Variants in GNAO1 observed in about 807,000 individuals in gnomAD.
The protein encoded by GNAO1 is G protein subunit alpha o1, also known as guanine nucleotide-binding protein G(o) subunit alpha.
For synonymous variants in GNAO1, 164 were observed against 180.7 expected (o/e 0.91, Z 0.74); for missense variants, 166 against 478.7 (o/e 0.35, Z 6.10).
At chr16:56,271,517 G>C (rs1461889823) in intron 2 of GNAO1, among the ~76,000 whole-genome samples, 1 of 152,154 alleles carries the variant, frequency 6.6e-6, no homozygotes, top group Admixed American at 6.5e-5. Context: ...GCAGTGGCGT[G>C]ATCTTGGTTC....
intron 2 of GNAO1, among the ~76,000 whole-genome samples, chr16:56,220,738 TTTGTTG>T (rs55730508): frequency 2.0e-5 from 3 of 151,454 alleles, no homozygotes; most frequent in East Asian, 1.9e-4. Flanking sequence ...GCGTGGGTTT[TTTGTTG>T]TTGTTGTTGT....
chr16:56,245,006 A>C (rs1286408332), intron 2 of GNAO1, among the ~76,000 whole-genome samples: 15 of 152,314 alleles, frequency 9.8e-5, no homozygotes, highest in African/African-American at 3.6e-4. Context: ...CTCTGGCACT[A>C]ATTTTCAAAG....
At chr16:56,262,361 G>A (rs955269795) in intron 2 of GNAO1, among the ~76,000 whole-genome samples, 7 of 152,176 alleles carry the variant, frequency 4.6e-5, no homozygotes, top group African/African-American at 1.7e-4. Context: ...GGACTTGCCT[G>A]GTGTCAGAAA....
At chr16:56,205,845 GA>G (rs2036322634) in intron 2 of GNAO1, among the ~76,000 whole-genome samples, 1 of 152,168 alleles carries the variant, frequency 6.6e-6, no homozygotes, top group South Asian at 2.1e-4. Context: ...CGTTCTAAAG[GA>G]GGAAACTGGG....
At chr16:56,267,585 G>A (rs1200611800) in intron 2 of GNAO1, among the ~76,000 whole-genome samples, 1 of 152,198 alleles carries the variant, frequency 6.6e-6, no homozygotes, top group East Asian at 1.9e-4. Flanking sequence ...GCCAGCACCT[G>A]CTCCGTGGTC....
At chr16:56,342,693 C>T (rs536354032) in intron 6 of GNAO1, among the ~76,000 whole-genome samples, 17 of 152,368 alleles carry the variant, frequency 1.1e-4, no homozygotes, top group African/African-American at 3.8e-4. Context: ...TCAAGGCCTG[C>T]TCTGTGGACT....
In GNAO1 at chr16:56,191,774, C is replaced by T; in HGVS notation, c.-462C>T. 1 of 222,732 alleles carries T rather than the reference C, an allele frequency of 4.5e-6. No homozygotes were observed. Among genetic ancestry groups the T allele is most frequent in the East Asian group, 1.5e-4 (1 of 6,726 alleles). 13.8% of individuals were successfully genotyped at this position (222,732 alleles called of 1,614,324 possible). A position where few individuals can be genotyped will look rare whatever the true frequency, so the allele number is the denominator to read the frequency against. On this transcript the variant is annotated 5_prime_UTR_variant, in exon 1 of 9. Coordinates refer to ENST00000262493, the MANE Select transcript of GNAO1 (RefSeq NM_020988.3). The surrounding 1 kb of genome is among the most constrained non-coding windows in gnomAD (Gnocchi z 4.7). Reference sequence around the variant, plus strand: ...CGCGCCGCCGCCGCCGCCTCCTCCACCTCCTCCTCCGCCGCCGCCGCCTCC... The same window carrying T: ...CGCGCCGCCGCCGCCGCCTCCTCCATCTCCTCCTCCGCCGCCGCCGCCTCC...
At chr16:56,319,342 C>A (rs1028552195) in intron 3 of GNAO1, among the ~76,000 whole-genome samples, 41 of 152,296 alleles carry the variant, frequency 2.7e-4, no homozygotes, top group African/African-American at 9.6e-4. Flanking sequence ...AGACAGGCAT[C>A]TGCTACATCT....
intron 3 of GNAO1, among the ~76,000 whole-genome samples, chr16:56,287,458 A>G (rs1368822971): frequency 6.6e-6 from 1 of 152,184 alleles, no homozygotes; most frequent in Non-Finnish European, 1.5e-5. Context: ...TCATAATAAT[A>G]CCTACTCACA....
chr16:56,267,531 C>T lies in GNAO1; in HGVS notation c.162-8400C>T, dbSNP rs568468336. Reference sequence around the variant, plus strand: ...GACCACACAGCGTTGTCTCCAGGCACCGGTGCTGTTCTCTTGTCTGGATTG... The same window carrying T: ...GACCACACAGCGTTGTCTCCAGGCATCGGTGCTGTTCTCTTGTCTGGATTG... On this transcript the variant is annotated intron_variant, in intron 2 of 8. Coordinates refer to ENST00000262493, the MANE Select transcript of GNAO1 (RefSeq NM_020988.3). Among the ~76,000 whole-genome samples the T allele has an allele frequency of 2.6e-5, 4 of 152,320 alleles. No homozygotes were observed. In the South Asian group the frequency reaches 8.3e-4, roughly 32 times the overall value.
intron 6 of GNAO1, chr16:56,344,540 C>A: frequency 2.0e-6 from 2 of 987,164 alleles, no homozygotes; most frequent in Non-Finnish European, 2.4e-6. Flanking sequence ...CTGGGTCATC[C>A]TCCCTTGCCT....
chr16:56,234,728 G>A (rs992320876), intron 2 of GNAO1, among the ~76,000 whole-genome samples: 2 of 152,142 alleles, frequency 1.3e-5, no homozygotes, highest in Non-Finnish European at 2.9e-5. Flanking sequence ...TTCCCCTCTG[G>A]TTCCCCCCCA....
At position 56,253,070 on chromosome 16, in the gene GNAO1, G is replaced by A. The variant is rs930564859; in HGVS notation, c.162-22861G>A. On this transcript the variant is annotated intron_variant, in intron 2 of 8. Transcript: ENST00000262493. ...CCTCTGAGTGTCTGACTAGATAGCAGCAGCGGCAGCAGCAGCCATCTCTGG... is the reference window on the plus strand; with the variant it reads ...CCTCTGAGTGTCTGACTAGATAGCAACAGCGGCAGCAGCAGCCATCTCTGG... Among the ~76,000 whole-genome samples, 20 of 152,228 alleles carry A rather than the reference G, an allele frequency of 1.3e-4. 1 individual carries two copies. Among genetic ancestry groups the A allele is most frequent in the Non-Finnish European group, 2.6e-4 (18 of 68,044 alleles).
chr16:56,256,716 C>CTGTGTGTGTGTG (rs1418939057), intron 2 of GNAO1, among the ~76,000 whole-genome samples: 8 of 90,366 alleles, frequency 8.9e-5, no homozygotes, highest in African/African-American at 3.0e-4. Flanking sequence ...CTCTCTCTCT[C>CTGTGTGTGTGTG]TCTGTGTGTG....
chr16:56,222,068 T>C (rs1189073595), intron 2 of GNAO1, among the ~76,000 whole-genome samples: 1 of 152,208 alleles, frequency 6.6e-6, no homozygotes, highest in Non-Finnish European at 1.5e-5. Context: ...CAAGAGTTTT[T>C]AAGATAACTC....
At chr16:56,285,872 G>C (rs1420321504) in intron 3 of GNAO1, among the ~76,000 whole-genome samples, 2 of 152,176 alleles carry the variant, frequency 1.3e-5, no homozygotes, top group Admixed American at 1.3e-4. Context: ...TCCCGACTAT[G>C]TCTGGGACCT....
intron 2 of GNAO1, among the ~76,000 whole-genome samples, chr16:56,217,426 C>A (rs543851005): frequency 6.6e-6 from 1 of 152,326 alleles, no homozygotes; most frequent in Admixed American, 6.5e-5. Context: ...GGCTCTGCAT[C>A]TTTCTATTGT....
chr16:56,351,782 G>A lies in GNAO1; in HGVS notation c.877+245G>A. On this transcript the variant is annotated intron_variant, in intron 7 of 8. Coordinates refer to ENST00000262493, the MANE Select transcript of GNAO1 (RefSeq NM_020988.3). The surrounding 1 kb of genome is among the most constrained non-coding windows in gnomAD (Gnocchi z 6.1). ...TATGTGTTAGGACCAAGTGACTCAG[G>A]AGTGGTGGGGAGCAGGGGGCAGGAC... 2.1e-6 allele frequency: 1 copy of A among 471,224 alleles called. No homozygotes were observed. The highest frequency in any genetic ancestry group is 2.7e-5 in the South Asian group (1 of 36,978). 29.2% of individuals were successfully genotyped at this position (471,224 alleles called of 1,614,324 possible).
intron 3 of GNAO1, among the ~76,000 whole-genome samples, chr16:56,288,910 G>A (rs2037201120): frequency 1.3e-5 from 2 of 152,068 alleles, no homozygotes; most frequent in Middle Eastern, 3.4e-3. Context: ...TCTGAGGAAC[G>A]ACACCGAAGA....
Sources: allele counts gnomAD v4.1 joint callset (sites outside exome capture counted in the v4.1 genomes callset), GRCh38; gene constraint gnomAD v4.1.1; non-coding constraint Gnocchi (gnomAD v3.1); transcripts MANE v1.5; gene names NCBI Gene and HGNC (gene_info 2026-07-23, HGNC 2026-07-21).